The following PACS1 variants were observed in gnomAD, a reference collection of about 807,000 sequenced individuals.
PACS1 encodes PACS-1.
PACS1 carries 24 observed loss-of-function variants against 115.0 expected under a neutral mutation model. That is an observed-to-expected ratio of 0.21 (90% CI 0.15 to 0.29). The LOEUF (loss-of-function observed/expected upper bound fraction) is 0.29. PACS1 is among the 10% of genes least tolerant of loss of function. PACS1 has a pLI of 1.00. For missense variants in PACS1, 838 were observed against 1,251.2 expected (o/e 0.67, Z 4.98); for synonymous variants, 453 against 504.5 (o/e 0.90, Z 1.37).
At chr11:66,142,631 A>AG (rs1859021243) in intron 1 of PACS1, among the ~76,000 whole-genome samples, 1 of 151,886 alleles carries the variant, frequency 6.6e-6, no homozygotes, top group East Asian at 1.9e-4. Context: ...TTAAAAAAAA[A>AG]AAAAAAAAAA....
chr11:66,115,059 A>G (rs1858274611), intron 1 of PACS1, among the ~76,000 whole-genome samples: 1 of 151,774 alleles, frequency 6.6e-6, no homozygotes, highest in African/African-American at 2.4e-5. Context: ...AAATACAAAA[A>G]TTAGCCGGGC....
chr11:66,158,810 AT>A (rs1374329859), intron 1 of PACS1, among the ~76,000 whole-genome samples: 17 of 152,236 alleles, frequency 1.1e-4, no homozygotes, highest in African/African-American at 3.6e-4. Context: ...AGGACAAGGC[AT>A]TATTTAAAAA....
Position 66,243,446 on chromosome 11 carries a change from CCCCT to C in PACS1, c.*170_*173del. The C allele has an allele frequency of 1.7e-6, 1 of 602,900 alleles. No homozygotes were observed. The highest frequency in any genetic ancestry group is 1.9e-5 in the South Asian group (1 of 52,618). 37.3% of individuals were successfully genotyped at this position (602,900 alleles called of 1,614,324 possible). On this transcript the variant is annotated 3_prime_UTR_variant, in exon 24 of 24. Coordinates refer to ENST00000320580, the MANE Select transcript of PACS1 (RefSeq NM_018026.4). The stretch of plus-strand genomic sequence containing the variant: ...ACACTGCCACAGGGACGCCTTCCCT[CCCCT>C]CCCCTCCAGCCCACCCCTGCACAGC...
chr11:66,200,702 C>T (rs1854768599), intron 2 of PACS1, among the ~76,000 whole-genome samples: 1 of 152,114 alleles, frequency 6.6e-6, no homozygotes, highest in Admixed American at 6.6e-5. Flanking sequence ...ACAACAATAG[C>T]TAGAGACTTT....
chr11:66,204,428 C>T (rs1380036553), intron 2 of PACS1, among the ~76,000 whole-genome samples: 2 of 152,114 alleles, frequency 1.3e-5, no homozygotes, highest in African/African-American at 4.8e-5. Context: ...AGGGAACCCT[C>T]GTACACTGTT....
intron 1 of PACS1, among the ~76,000 whole-genome samples, chr11:66,099,061 T>C (rs1424332897): frequency 3.9e-5 from 6 of 152,084 alleles, no homozygotes; most frequent in African/African-American, 1.2e-4. Flanking sequence ...CCCTTCCCTT[T>C]TCAATGGAGT....
At chr11:66,172,044 G>T (rs1203425479) in intron 1 of PACS1, among the ~76,000 whole-genome samples, 1 of 152,138 alleles carries the variant, frequency 6.6e-6, no homozygotes, top group Non-Finnish European at 1.5e-5. Flanking sequence ...AATTCAGTCA[G>T]TTCCTCCCAC....
At position 66,220,950 on chromosome 11, in the gene PACS1, C is replaced by T. The variant is rs76144613; in HGVS notation, c.1199+159C>T. ...TGGAGAAGGTCACTGTTTTGCCTCT[C>T]ACTGACAGAAGTCCTATAGGACTCT... On this transcript the variant is annotated intron_variant, in intron 9 of 23. Transcript: ENST00000320580. Among the ~76,000 whole-genome samples the T allele has an allele frequency of 0.039, 6,004 of 152,254 alleles. 328 individuals carry two copies. The highest frequency in any genetic ancestry group is 0.17 in the East Asian group (885 of 5,172).
chr11:66,071,883 T>TCA (rs1158212398), intron 1 of PACS1, among the ~76,000 whole-genome samples: 3 of 152,086 alleles, frequency 2.0e-5, no homozygotes, highest in Non-Finnish European at 4.4e-5. Flanking sequence ...TAATATTGTT[T>TCA]TATATATATA....
intron 1 of PACS1, among the ~76,000 whole-genome samples, chr11:66,177,566 C>G (rs974482718): frequency 3.9e-5 from 6 of 152,126 alleles, no homozygotes; most frequent in Non-Finnish European, 8.8e-5. Context: ...TGCACCTACT[C>G]TATCCTTCTA....
At chr11:66,075,877 G>A (rs1212378897) in intron 1 of PACS1, among the ~76,000 whole-genome samples, 1 of 151,562 alleles carries the variant, frequency 6.6e-6, no homozygotes, top group African/African-American at 2.4e-5. Context: ...AGCTAGGACT[G>A]CAGGTGCCCG....
Position 66,237,988 on chromosome 11 carries a change from C to G in PACS1, c.2251-816C>G, listed in dbSNP as rs573601149. ...GGGTCCAGCCCTCTGGACTCCCAGC[C>G]CAGCTGCCTCTTTGCCTAGGCCTGG... On this transcript the variant is annotated intron_variant, in intron 19 of 23. Transcript: ENST00000320580. 34 of 902,008 alleles carry G rather than the reference C, an allele frequency of 3.8e-5. No individual in the cohort carries two copies. In the African/African-American group the frequency reaches 5.9e-4, roughly 16 times the overall value. The allele number at this position is 902,008 out of a possible 1,614,324, so 55.9% of individuals were successfully genotyped here.
At chr11:66,128,766 C>T (rs989855895) in intron 1 of PACS1, among the ~76,000 whole-genome samples, 2 of 151,914 alleles carry the variant, frequency 1.3e-5, no homozygotes, top group Non-Finnish European at 2.9e-5. Context: ...CGCCTGTAAT[C>T]TCAGCTACTT....
chr11:66,179,370 C>A (rs2134651768), intron 1 of PACS1, among the ~76,000 whole-genome samples: 1 of 152,260 alleles, frequency 6.6e-6, no homozygotes, highest in South Asian at 2.1e-4. Context: ...GTAATTTAAA[C>A]ATTAAGGAAA....
intron 10 of PACS1, among the ~76,000 whole-genome samples, chr11:66,223,347 G>C (rs765549501): frequency 1.9e-4 from 29 of 151,646 alleles, no homozygotes; most frequent in Non-Finnish European, 1.8e-4. Context: ...GCCCGCCTCA[G>C]CTTCCCAAAG....
intron 1 of PACS1, among the ~76,000 whole-genome samples, chr11:66,174,141 G>A (rs1240842693): frequency 6.6e-6 from 1 of 151,702 alleles, no homozygotes; most frequent in African/African-American, 2.4e-5. Flanking sequence ...ATCATTAGTC[G>A]CTTGAGAAAG....
intron 1 of PACS1, among the ~76,000 whole-genome samples, chr11:66,158,901 A>G (rs1565128368): frequency 1.3e-5 from 2 of 152,272 alleles, no homozygotes; most frequent in Middle Eastern, 6.8e-3. Flanking sequence ...AAGTGATGAA[A>G]AAGACCCTCA....
At chr11:66,137,257 T>G (rs143049564) in intron 1 of PACS1, among the ~76,000 whole-genome samples, 2 of 152,162 alleles carry the variant, frequency 1.3e-5, no homozygotes, top group African/African-American at 4.8e-5. Context: ...TGTGTGTGTT[T>G]GTGTTTGTGT....
At chr11:66,139,579 A>G (rs1858932521) in intron 1 of PACS1, among the ~76,000 whole-genome samples, 1 of 150,348 alleles carries the variant, frequency 6.7e-6, no homozygotes, top group Non-Finnish European at 1.5e-5. Context: ...TTTAGCTCTC[A>G]CAAGTAAGTG....
Sources: gnomAD v4.1 joint callset for allele counts (sites outside exome capture counted in the v4.1 genomes callset) on GRCh38, gnomAD v4.1.1 for gene constraint, MANE v1.5 for transcripts, NCBI Gene and HGNC (gene_info 2026-07-23, HGNC 2026-07-21) for gene names.